GAS7: variants seen among roughly 807,000 people sequenced by gnomAD.
GAS7 encodes the protein growth arrest specific 7.
Under a neutral mutation model 71.1 loss-of-function variants are expected in GAS7, and 28 were observed. The observed-to-expected ratio is 0.39, with a 90% CI of 0.29 to 0.54. The LOEUF (loss-of-function observed/expected upper bound fraction) is 0.54, where lower values mean the gene tolerates loss of function less well. GAS7 is among the 20% of genes least tolerant of loss of function. GAS7 has a pLI of 0.62. For synonymous variants in GAS7, 258 were observed against 245.8 expected, an observed-to-expected ratio of 1.05 and a Z score of -0.46; for missense variants, 436 against 627.8, an observed-to-expected ratio of 0.69 and a Z score of 3.27.
intron 2 of GAS7, among the ~76,000 whole-genome samples, chr17:10,009,091 C>A (rs944113593): frequency 6.6e-6 from 1 of 151,794 alleles, no homozygotes. Context: ...GAGGCCGAGG[C>A]GGGCGGATCA....
intron 11 of GAS7, among the ~76,000 whole-genome samples, chr17:9,922,561 C>T (rs779357314): frequency 5.3e-5 from 8 of 152,188 alleles, no homozygotes; most frequent in Non-Finnish European, 8.8e-5. Context: ...TCAGAAGAGG[C>T]GGTATTTTTC....
At chr17:9,977,697 C>T (rs1201117181) in intron 3 of GAS7, among the ~76,000 whole-genome samples, 1 of 138,780 alleles carries the variant, frequency 7.2e-6, no homozygotes, top group African/African-American at 2.7e-5. Flanking sequence ...AGGTCTGATC[C>T]TAAGTAGCAC....
At chr17:9,968,722 C>T (rs1388756093) in intron 4 of GAS7, among the ~76,000 whole-genome samples, 1 of 152,180 alleles carries the variant, frequency 6.6e-6, no homozygotes, top group Non-Finnish European at 1.5e-5. Context: ...TATTTTTCTT[C>T]CAGTCATTTT....
At chr17:9,930,297 A>T (rs1185466618) in intron 9 of GAS7, among the ~76,000 whole-genome samples, 1 of 152,228 alleles carries the variant, frequency 6.6e-6, no homozygotes, top group East Asian at 1.9e-4. Context: ...ATTGTAAGTC[A>T]CTGTCAGATA....
chr17:9,980,021 GC>G (rs957658817), intron 3 of GAS7, among the ~76,000 whole-genome samples: 2 of 151,958 alleles, frequency 1.3e-5, no homozygotes, highest in African/African-American at 4.8e-5. Context: ...CGTCACAGCT[GC>G]CCCATGTCCC....
At chr17:10,118,233 C>T (rs80094700) in intron 1 of GAS7, among the ~76,000 whole-genome samples, 5,159 of 152,208 alleles carry the variant, frequency 0.034, 138 homozygotes, top group South Asian at 0.11. Context: ...GGTTTCTCAG[C>T]CAGGTATTTT....
intron 6 of GAS7, among the ~76,000 whole-genome samples, chr17:9,944,963 G>A (rs944487159): frequency 6.6e-6 from 1 of 152,088 alleles, no homozygotes; most frequent in African/African-American, 2.4e-5. Flanking sequence ...GATGGTCAGG[G>A]GGATAAGTGG....
At chr17:10,185,949 ATTTTT>A (rs148937908) in intron 1 of GAS7, among the ~76,000 whole-genome samples, 17 of 92,530 alleles carry the variant, frequency 1.8e-4, no homozygotes, top group Admixed American at 6.3e-4. Context: ...ATCAGTCTGC[ATTTTT>A]TTTTTTTTTT....
At chr17:10,157,495 G>GA (rs969320650) in intron 1 of GAS7, among the ~76,000 whole-genome samples, 8 of 151,820 alleles carry the variant, frequency 5.3e-5, no homozygotes, top group Middle Eastern at 3.4e-3. Context: ...ACACTCGTTG[G>GA]AAAAAAAAGT....
At chr17:10,153,567 G>T (rs2074183698) in intron 1 of GAS7, among the ~76,000 whole-genome samples, 1 of 151,714 alleles carries the variant, frequency 6.6e-6, no homozygotes, top group Admixed American at 6.6e-5. Context: ...AGCCTGACTG[G>T]CTGGAACAGA....
intron 5 of GAS7, among the ~76,000 whole-genome samples, chr17:9,949,408 A>G (rs1334673656): frequency 1.3e-5 from 2 of 152,152 alleles, no homozygotes; most frequent in Non-Finnish European, 2.9e-5. Context: ...ACACAATAAC[A>G]CCATGTAGGC....
At chr17:10,147,414 TCAGA>T (rs1255138807) in intron 1 of GAS7, among the ~76,000 whole-genome samples, 2 of 152,168 alleles carry the variant, frequency 1.3e-5, no homozygotes, top group African/African-American at 4.8e-5. Context: ...ACAAAAATGC[TCAGA>T]CAACCTCAAT....
At chr17:10,089,404 A>G (rs1313312866) in intron 1 of GAS7, among the ~76,000 whole-genome samples, 3 of 152,170 alleles carry the variant, frequency 2.0e-5, no homozygotes, top group Non-Finnish European at 4.4e-5. Flanking sequence ...GCTTGGCTAC[A>G]TGGTCTGCAG....
intron 1 of GAS7, among the ~76,000 whole-genome samples, chr17:10,159,628 ATCTAGAAG>A (rs2074235894): frequency 6.6e-6 from 1 of 152,156 alleles, no homozygotes; most frequent in Non-Finnish European, 1.5e-5. Context: ...TTATTACACA[ATCTAGAAG>A]TCAAGATCGG....
intron 1 of GAS7, among the ~76,000 whole-genome samples, chr17:10,070,967 C>T (rs373798131): frequency 6.6e-6 from 1 of 151,566 alleles, no homozygotes; most frequent in East Asian, 1.9e-4. Flanking sequence ...TTTGCACCAA[C>T]CTAAATATTT....
intron 2 of GAS7, among the ~76,000 whole-genome samples, chr17:10,012,728 A>G: frequency 6.6e-6 from 1 of 152,154 alleles, no homozygotes; most frequent in Non-Finnish European, 1.5e-5. Context: ...CTAATTCCCC[A>G]TGTGCCAGTA....
chr17:10,005,625 C>A (rs571605595), intron 2 of GAS7, among the ~76,000 whole-genome samples: 1 of 152,014 alleles, frequency 6.6e-6, no homozygotes, highest in South Asian at 2.1e-4. Flanking sequence ...CAGATGTTTA[C>A]GAAAAAAACT....
chr17:10,087,795 C>T (rs2073535717), intron 1 of GAS7, among the ~76,000 whole-genome samples: 1 of 152,110 alleles, frequency 6.6e-6, no homozygotes, highest in Non-Finnish European at 1.5e-5. Flanking sequence ...CTCTCAGAAT[C>T]CTCTAAGAAA....
At chr17:10,140,240 C>T (rs928332062) in intron 1 of GAS7, among the ~76,000 whole-genome samples, 2 of 152,148 alleles carry the variant, frequency 1.3e-5, no homozygotes, top group African/African-American at 4.8e-5. Flanking sequence ...GGCGGGAGGA[C>T]TGCGTGTGCC....
Sources: gnomAD v4.1 joint callset for allele counts (sites outside exome capture counted in the v4.1 genomes callset) on GRCh38, gnomAD v4.1.1 for gene constraint, MANE v1.5 for transcripts, NCBI Gene and HGNC (gene_info 2026-07-23, HGNC 2026-07-21) for gene names.